Variants in ANKS1B observed in about 807,000 individuals in gnomAD.
ANKS1B encodes the protein ankyrin repeat and sterile alpha motif domain-containing protein 1B.
In ANKS1B, 36 loss-of-function variants were observed where a neutral mutation model predicts 148.3. The observed-to-expected ratio is 0.24, with a 90% CI of 0.19 to 0.32. The LOEUF is 0.32. Ranked by LOEUF, ANKS1B falls within the 10% of genes least tolerant of loss-of-function variation. The pLI is 1.00. For synonymous variants in ANKS1B, 542 were observed against 560.8 expected (o/e 0.97, Z 0.47); for missense variants, 1,157 against 1,542.6 (o/e 0.75, Z 4.19).
intron 9 of ANKS1B, among the ~76,000 whole-genome samples, chr12:99,570,282 T>G (rs1406805188): frequency 6.6e-6 from 1 of 151,940 alleles, no homozygotes; most frequent in Non-Finnish European, 1.5e-5. Flanking sequence ...ATGAGCTGTA[T>G]AGCAAATGAT....
At chr12:99,000,763 C>T (rs76230424) in intron 17 of ANKS1B, among the ~76,000 whole-genome samples, 162 of 152,274 alleles carry the variant, frequency 1.1e-3, no homozygotes, top group African/African-American at 3.8e-3. Context: ...CATCCTTGCA[C>T]CCCAGTCCTT....
intron 17 of ANKS1B, among the ~76,000 whole-genome samples, chr12:98,919,126 C>T (rs572366994): frequency 6.6e-6 from 1 of 152,238 alleles, no homozygotes; most frequent in Non-Finnish European, 1.5e-5. Flanking sequence ...TTTTCTAGAT[C>T]AGGAAAATAC....
chr12:99,508,989 T>A (rs558618150), intron 9 of ANKS1B, among the ~76,000 whole-genome samples: 2 of 151,906 alleles, frequency 1.3e-5, no homozygotes, highest in African/African-American at 2.4e-5. Context: ...TCTCCTAATA[T>A]GTCAAATTTT....
Position 99,091,158 on chromosome 12 carries a change from A to G in ANKS1B, c.2527-6135T>C, listed in dbSNP as rs564395704. On this transcript the variant is annotated intron_variant, in intron 15 of 26. Transcript: ENST00000683438. ...TCACTGACCAATAAGACATCATCTTATATGTGCAAGCTGTGTATTTTAATA... is the reference window on the plus strand; with the variant it reads ...TCACTGACCAATAAGACATCATCTTGTATGTGCAAGCTGTGTATTTTAATA... Among the ~76,000 whole-genome samples the G allele has an allele frequency of 5.3e-5, 8 of 152,320 alleles. No homozygotes were observed. In the East Asian group the frequency reaches 1.2e-3, roughly 22 times the overall value.
intron 9 of ANKS1B, among the ~76,000 whole-genome samples, chr12:99,629,983 C>T (rs1364239283): frequency 6.6e-6 from 1 of 152,052 alleles, no homozygotes; most frequent in Non-Finnish European, 1.5e-5. Flanking sequence ...AGAATACATG[C>T]TAAATTCTAT....
chr12:99,356,547 A>G (rs997019276), intron 12 of ANKS1B, among the ~76,000 whole-genome samples: 3 of 152,142 alleles, frequency 2.0e-5, no homozygotes, highest in South Asian at 2.1e-4. Context: ...CTGGCAAAGG[A>G]AAATATTTAA....
intron 17 of ANKS1B, among the ~76,000 whole-genome samples, chr12:98,861,809 G>T (rs2099600444): frequency 6.6e-6 from 1 of 152,182 alleles, no homozygotes; most frequent in Non-Finnish European, 1.5e-5. Context: ...ACAGTTAACA[G>T]AAAAACTGGG....
chr12:98,937,373 AT>A (rs2099819774), intron 17 of ANKS1B, among the ~76,000 whole-genome samples: 1 of 152,012 alleles, frequency 6.6e-6, no homozygotes, highest in African/African-American at 2.4e-5. Flanking sequence ...TAAAGTCCAA[AT>A]TCTTTAGTAT....
In ANKS1B at chr12:99,240,637, A is replaced by G. The variant is rs142193915; in HGVS notation, c.2419+3705T>C. 4.0e-4 allele frequency among the ~76,000 whole-genome samples: 61 copies of G among 152,300 alleles called. No individual in the cohort carries two copies. In the East Asian group the frequency reaches 9.1e-3, roughly 23 times the overall value. ...TCCCACTTATTCTAAAATTGACCAC[A>G]TAGTTAGAAGTAAAACACTCCTCAG... On this transcript the variant is annotated intron_variant, in intron 14 of 26. Transcript: ENST00000683438.
At chr12:99,333,859 T>TTTTTTTG (rs1471859716) in intron 12 of ANKS1B, among the ~76,000 whole-genome samples, 1 of 148,998 alleles carries the variant, frequency 6.7e-6, no homozygotes, top group African/African-American at 2.5e-5. Flanking sequence ...TCTCAGTTTT[T>TTTTTTTG]TTTTTTTTTT....
intron 8 of ANKS1B, among the ~76,000 whole-genome samples, chr12:99,693,230 T>G (rs143283807): frequency 2.0e-5 from 3 of 152,114 alleles, no homozygotes; most frequent in Non-Finnish European, 4.4e-5. Context: ...AGGAAAAAAA[T>G]AAAATACATT....
chr12:99,783,437 GAC>G (rs2064592870), intron 4 of ANKS1B, among the ~76,000 whole-genome samples: 1 of 152,202 alleles, frequency 6.6e-6, no homozygotes, highest in South Asian at 2.1e-4. Flanking sequence ...TCAAAAATGC[GAC>G]AGTTTCACAC....
At chr12:99,397,633 G>A (rs2094289402) in intron 12 of ANKS1B, among the ~76,000 whole-genome samples, 1 of 151,926 alleles carries the variant, frequency 6.6e-6, no homozygotes, top group African/African-American at 2.4e-5. Flanking sequence ...TGTCATTATG[G>A]GCTGTTATTT....
At chr12:99,433,812 T>C (rs887576186) in intron 11 of ANKS1B, among the ~76,000 whole-genome samples, 6 of 152,196 alleles carry the variant, frequency 3.9e-5, no homozygotes, top group African/African-American at 9.6e-5. Context: ...AGACTGAGAA[T>C]AGGTCTGAGG....
intron 14 of ANKS1B, among the ~76,000 whole-genome samples, chr12:99,170,108 G>A (rs1021982658): frequency 1.3e-5 from 2 of 152,196 alleles, no homozygotes; most frequent in South Asian, 4.1e-4. Flanking sequence ...ACAAGAGGTG[G>A]GAGAATAGTA....
At chr12:99,086,126 T>C (rs1054760390) in intron 15 of ANKS1B, among the ~76,000 whole-genome samples, 1 of 152,156 alleles carries the variant, frequency 6.6e-6, no homozygotes, top group Non-Finnish European at 1.5e-5. Flanking sequence ...AGTCCCGTGA[T>C]GGAAAGGGAC....
chr12:99,383,887 G>T (rs2093751697), intron 12 of ANKS1B, among the ~76,000 whole-genome samples: 1 of 151,396 alleles, frequency 6.6e-6, no homozygotes, highest in Non-Finnish European at 1.5e-5. Context: ...AGAAGTAACT[G>T]GGCATGGTGT....
chr12:99,377,665 A>G (rs909836334), intron 12 of ANKS1B, among the ~76,000 whole-genome samples: 3 of 152,190 alleles, frequency 2.0e-5, no homozygotes, highest in African/African-American at 7.2e-5. Context: ...AAGAGTGTAT[A>G]TTTTCTTCAA....
chr12:98,931,491 T>G (rs560896733), intron 17 of ANKS1B, among the ~76,000 whole-genome samples: 1 of 152,328 alleles, frequency 6.6e-6, no homozygotes, highest in South Asian at 2.1e-4. Flanking sequence ...AGGATTATAA[T>G]TGGGGATTCT....
Sources: allele counts gnomAD v4.1 joint callset (sites outside exome capture counted in the v4.1 genomes callset), GRCh38; gene constraint gnomAD v4.1.1; transcripts MANE v1.5; gene names NCBI Gene and HGNC (gene_info 2026-07-23, HGNC 2026-07-21).